Variants in KIDINS220 observed in about 807,000 individuals in gnomAD.
KIDINS220 encodes kinase D interacting substrate 220.
KIDINS220 carries 63 observed loss-of-function variants against 157.6 expected under a neutral mutation model. The observed-to-expected ratio is 0.40, with a 90% CI of 0.33 to 0.49. The LOEUF (loss-of-function observed/expected upper bound fraction) is 0.49. Ranked by LOEUF, KIDINS220 falls within the 20% of genes least tolerant of loss-of-function variation. The pLI, the probability that KIDINS220 is intolerant of heterozygous loss-of-function variation, is 0.66. For synonymous variants in KIDINS220, 732 were observed against 783.6 expected (o/e 0.93, Z 1.10); for missense variants, 1,772 against 2,171.2 (o/e 0.82, Z 3.65).
Position 8,729,927 on chromosome 2 carries a change from T to C in KIDINS220, c.*793A>G. 1.5e-5 allele frequency: 15 copies of C among 985,398 alleles called. No homozygotes were observed. Among genetic ancestry groups the C allele is most frequent in the Non-Finnish European group, 1.8e-5 (15 of 829,922 alleles). The allele number at this position is 985,398 out of a possible 1,614,324, so 61.0% of individuals were successfully genotyped here. A position where few individuals can be genotyped will look rare whatever the true frequency, so the allele number is the denominator to read the frequency against. On this transcript the variant is annotated 3_prime_UTR_variant, in exon 30 of 30. Coordinates refer to ENST00000256707, the MANE Select transcript of KIDINS220 (RefSeq NM_020738.4). ...TCATTGCTAAGCTCACTTAGAAAAGTTGGGCACCATTTAAAAGAGTTGGAG... is the reference window on the plus strand; with the variant it reads ...TCATTGCTAAGCTCACTTAGAAAAGCTGGGCACCATTTAAAAGAGTTGGAG...
chr2:8,785,212 G>T (rs1173486135), intron 17 of KIDINS220, among the ~76,000 whole-genome samples: 1 of 152,164 alleles, frequency 6.6e-6, no homozygotes, highest in African/African-American at 2.4e-5. Context: ...AAACTATGGC[G>T]ATAGTAAAAA....
chr2:8,754,408 T>G (rs1324395456), intron 22 of KIDINS220, among the ~76,000 whole-genome samples: 1 of 152,238 alleles, frequency 6.6e-6, no homozygotes, highest in Admixed American at 6.5e-5. Flanking sequence ...TTTCAGATAT[T>G]TTTCCAAAGG....
chr2:8,752,111 C>T lies in KIDINS220; in HGVS notation c.3012-467G>A, dbSNP rs562705864. ...TCTTGGCTCATTGCAACCTCTGCCT[C>T]CCAACTCAAGCTTTCCTCCCACCTC... On this transcript the variant is annotated intron_variant, in intron 22 of 29. Transcript: ENST00000256707. 7.2e-5 allele frequency among the ~76,000 whole-genome samples: 11 copies of T among 152,234 alleles called. No homozygotes were observed. In the East Asian group the frequency reaches 1.9e-3, roughly 27 times the overall value.
chr2:8,725,771 T>C (rs1663245171), downstream of KIDINS220, among the ~76,000 whole-genome samples: 1 of 152,262 alleles, frequency 6.6e-6, no homozygotes, highest in Non-Finnish European at 1.5e-5. Flanking sequence ...TTGAATAATA[T>C]GGAGCATGTA....
intron 20 of KIDINS220, 86 bp downstream of exon 20, chr2:8,778,553 A>G: frequency 7.8e-6 from 7 of 902,742 alleles, no homozygotes; most frequent in South Asian, 5.3e-5. Context: ...CAATATTTAC[A>G]AAGTATTATT....
chr2:8,789,853 TG>T, intron 14 of KIDINS220, 26 bp downstream of exon 14: 1 of 1,508,838 alleles, frequency 6.6e-7, no homozygotes, highest in Non-Finnish European at 9.0e-7. Flanking sequence ...TCTCCATTTT[TG>T]AAAAAGATAA....
chr2:8,775,597 C>G (rs573167991), intron 21 of KIDINS220, among the ~76,000 whole-genome samples: 1 of 152,270 alleles, frequency 6.6e-6, no homozygotes, highest in East Asian at 1.9e-4. Context: ...CATTGGTGAC[C>G]TTGAAAATGC....
At position 8,731,172 on chromosome 2, in the gene KIDINS220, G is replaced by T; in HGVS notation, c.4864C>A (p.His1622Asn). ...ANLIELEDDS[H>N]SGKRGIPHSL... ...TGTGGGATTCCCCGCTTTCCGCTGTGACTGTCATCTTCCAGCTCTATGAGA... is the reference window on the plus strand; with the variant it reads ...TGTGGGATTCCCCGCTTTCCGCTGTTACTGTCATCTTCCAGCTCTATGAGA... The change falls in exon 30 of 30, where the codon CAC (histidine) becomes AAC (asparagine). Residue 1622 changes from histidine to asparagine, a missense_variant. By Grantham distance (68) the His-to-Asn change is moderately conservative (BLOSUM62 1). Transcript: ENST00000256707. This position sits in a 1 kb window ranked among gnomAD's most constrained non-coding sequence, Gnocchi z 5.2. The T allele has an allele frequency of 6.2e-7, 1 of 1,614,190 alleles. No homozygotes were observed.
chr2:8,793,306 G>C (rs1320185924), intron 12 of KIDINS220, among the ~76,000 whole-genome samples: 7 of 152,026 alleles, frequency 4.6e-5, no homozygotes, highest in Non-Finnish European at 8.8e-5. Flanking sequence ...CCAGACTAGG[G>C]AACATGGCAA....
At chr2:8,727,207 C>T (rs1663406663), downstream of KIDINS220, 2 of 1,129,224 alleles carry the variant, frequency 1.8e-6, no homozygotes, top group South Asian at 2.1e-5. Context: ...GCTCATGCTG[C>T]CCCCGCAAAA....
rs557254708 is a variant in KIDINS220 at position 8,774,513 on chromosome 2, T to C, written c.2848+2235A>G. 6.0e-5 allele frequency among the ~76,000 whole-genome samples: 9 copies of C among 150,844 alleles called. No homozygotes were observed. In the East Asian group the frequency reaches 7.8e-4, roughly 13 times the overall value. ...AAAGAAGATGTCATTTTATACGAGA[T>C]GGTGAGGGAAGATCTTGTAGAAAAG... On this transcript the variant is annotated intron_variant, in intron 21 of 29. Transcript: ENST00000256707.
At chr2:8,797,055 T>G (rs929897015) in intron 10 of KIDINS220, among the ~76,000 whole-genome samples, 186 bp from the exon 11 acceptor site, 1 of 152,190 alleles carries the variant, frequency 6.6e-6, no homozygotes, top group Non-Finnish European at 1.5e-5. Context: ...TGTATCAAAG[T>G]GACTGTAAAT....
chr2:8,748,813 T>C (rs1334705788), intron 24 of KIDINS220, among the ~76,000 whole-genome samples: 1 of 152,176 alleles, frequency 6.6e-6, no homozygotes, highest in Non-Finnish European at 1.5e-5. Flanking sequence ...ACTGTAAATG[T>C]TTTTAAAAAT....
chr2:8,796,379 AC>A (rs1029393999), intron 11 of KIDINS220, among the ~76,000 whole-genome samples: 3 of 152,198 alleles, frequency 2.0e-5, no homozygotes, highest in African/African-American at 7.2e-5. Flanking sequence ...ACGCGGCAGA[AC>A]AAACACATTG....
intron 22 of KIDINS220, among the ~76,000 whole-genome samples, chr2:8,763,284 G>A (rs2148122219): frequency 6.6e-6 from 1 of 152,302 alleles, no homozygotes; most frequent in East Asian, 1.9e-4. Context: ...TAGAAGTACA[G>A]GTTGAGTATT....
chr2:8,766,583 C>T (rs572912019), intron 22 of KIDINS220, among the ~76,000 whole-genome samples: 1 of 152,286 alleles, frequency 6.6e-6, no homozygotes, highest in South Asian at 2.1e-4. Flanking sequence ...CATGGATACA[C>T]CCAAGCTCTC....
chr2:8,731,893 G>A lies in KIDINS220; in HGVS notation c.4143C>T (p.Ala1381=), dbSNP rs776324339. Residue 1381 remains alanine, a synonymous_variant, in exon 30 of 30, where the codon GCC becomes GCT. Coordinates refer to ENST00000256707, the MANE Select transcript of KIDINS220 (RefSeq NM_020738.4). The surrounding 1 kb of genome is among the most constrained non-coding windows in gnomAD (Gnocchi z 5.2). The part of the protein sequence containing the change: ...EISKLTDKVQ[A]EYRDAYREYI... ...ATTCTCTATAGGCATCTCTATACTC[G>A]GCCTGCACCTTATCAGTAAGCTTTG... 1.1e-5 allele frequency: 17 copies of A among 1,613,736 alleles called. No individual in the cohort carries two copies. The highest frequency in any genetic ancestry group is 3.3e-5 in the South Asian group (3 of 90,990).
chr2:8,792,590 T>A (rs544492359), intron 12 of KIDINS220, among the ~76,000 whole-genome samples: 1 of 152,330 alleles, frequency 6.6e-6, no homozygotes, highest in African/African-American at 2.4e-5. Flanking sequence ...GATTTTCTTT[T>A]CTTATTTATC....
chr2:8,767,988 C>T (rs368353113), intron 22 of KIDINS220, among the ~76,000 whole-genome samples: 1 of 152,100 alleles, frequency 6.6e-6, no homozygotes, highest in African/African-American at 2.4e-5. Flanking sequence ...ATGTTGTTAT[C>T]CTTATCACAA....
Sources: allele counts gnomAD v4.1 joint callset (sites outside exome capture counted in the v4.1 genomes callset), GRCh38; gene constraint gnomAD v4.1.1; non-coding constraint Gnocchi (gnomAD v3.1); transcripts MANE v1.5; gene names NCBI Gene and HGNC (gene_info 2026-07-23, HGNC 2026-07-21).